The following RAB37 variants were observed in gnomAD, a reference collection of about 807,000 sequenced individuals.
RAB37 encodes ras-related protein Rab-37.
A neutral mutation model predicts 33.1 loss-of-function variants in RAB37; 29 were observed. The ratio of observed to expected loss-of-function variants is 0.88; its 90% CI spans 0.65 to 1.20. RAB37 has a LOEUF of 1.20. Among genes scored for constraint, RAB37 ranks in the 50% most tolerant of loss-of-function variants. RAB37 has a pLI of 0.00. For synonymous variants in RAB37, 128 were observed against 119.5 expected, an observed-to-expected ratio of 1.07 and a Z score of -0.47; for missense variants, 299 against 301.1, an observed-to-expected ratio of 0.99 and a Z score of 0.05.
chr17:74,673,256 C>T (rs773842417), intron 1 of RAB37, among the ~76,000 whole-genome samples: 4 of 151,148 alleles, frequency 2.6e-5, no homozygotes, highest in Admixed American at 1.3e-4. Context: ...TACAAAAATT[C>T]GCTGGGCATG....
At chr17:74,735,015 A>G (rs2034448959), upstream of RAB37, among the ~76,000 whole-genome samples, 1 of 105,506 alleles carries the variant, frequency 9.5e-6, no homozygotes, top group East Asian at 2.7e-4. Context: ...GAAAGGAAGG[A>G]AGGAAGAAAG....
At chr17:74,703,303 G>T (rs1435562083) in intron 1 of RAB37, among the ~76,000 whole-genome samples, 1 of 152,154 alleles carries the variant, frequency 6.6e-6, no homozygotes, top group Non-Finnish European at 1.5e-5. Context: ...GTCTCTAGGA[G>T]ACTCCAGAGC....
At chr17:74,683,321 G>C (rs907669942) in intron 1 of RAB37, among the ~76,000 whole-genome samples, 4 of 152,288 alleles carry the variant, frequency 2.6e-5, no homozygotes, top group Middle Eastern at 6.8e-3. Context: ...AGGGAATGAG[G>C]ATTCAGGAAG....
At chr17:74,701,861 A>T (rs1192998651) in intron 1 of RAB37, among the ~76,000 whole-genome samples, 1 of 151,562 alleles carries the variant, frequency 6.6e-6, no homozygotes, top group Non-Finnish European at 1.5e-5. Flanking sequence ...AAAAAAAAAA[A>T]AAAAACAATT....
At position 74,743,114 on chromosome 17, in the gene RAB37, C is replaced by T. The variant is rs1454752218; in HGVS notation, c.247-15C>T. ...TGCCTCCTTCTGACCATTTCTCCAT[C>T]CCATCCCTTCCCAGATCTGGGACAC... On this transcript the variant is annotated splice_polypyrimidine_tract_variant and intron_variant, in intron 3 of 8. Transcript: ENST00000392613. The T allele has an allele frequency of 6.2e-7, 1 of 1,610,924 alleles. No homozygotes were observed. The highest frequency in any genetic ancestry group is 1.1e-5 in the South Asian group (1 of 90,860).
chr17:74,702,893 G>C (rs918927291), intron 1 of RAB37: 23 of 665,916 alleles, frequency 3.5e-5, no homozygotes, highest in Non-Finnish European at 5.3e-5. Context: ...ACAGCAAGTG[G>C]GAAGGGCTCC....
In RAB37 at chr17:74,745,247, G is replaced by A; in HGVS notation, c.567-59G>A. On this transcript the variant is annotated intron_variant, in intron 8 of 8. Coordinates refer to ENST00000392613, the MANE Select transcript of RAB37 (RefSeq NM_001006638.3). The surrounding 1 kb of genome is among the most constrained non-coding windows in gnomAD (Gnocchi z 4.5). ...GGCCACTGGGAGAGGGGAGGGGGCG[G>A]CTCAGCTCCTCACCCCAGCCCAGCC... is the stretch of plus-strand genomic sequence containing the variant. 6.4e-7 allele frequency: 1 copy of A among 1,564,282 alleles called. No individual in the cohort carries two copies. The highest frequency in any genetic ancestry group is 8.8e-7 in the Non-Finnish European group (1 of 1,135,796).
intron 1 of RAB37, among the ~76,000 whole-genome samples, chr17:74,720,277 G>T (rs570825902): frequency 1.3e-5 from 2 of 152,254 alleles, no homozygotes; most frequent in South Asian, 4.2e-4. Flanking sequence ...AGCATGAAGG[G>T]GTGTGTTACA....
chr17:74,718,554 A>G (rs1301325904), intron 1 of RAB37, among the ~76,000 whole-genome samples: 3 of 152,010 alleles, frequency 2.0e-5, no homozygotes, highest in Non-Finnish European at 2.9e-5. Flanking sequence ...GCACCTATTA[A>G]TTGGCTAGAT....
At position 74,697,430 on chromosome 17, in the gene RAB37, G is replaced by A. The variant is rs75842879; in HGVS notation, c.72+25772G>A. ...ACAGAAAGCACTTAGACCTTAGGCC[G>A]TGGGCAATACATTTGGGAGAAAAAG... On this transcript the variant is annotated intron_variant, in intron 1 of 7. Coordinates refer to the RAB37 transcript ENST00000340415. Among the ~76,000 whole-genome samples, 1,264 of 152,284 alleles carry A rather than the reference G, an allele frequency of 8.3e-3. 5 individuals are homozygous for A. The highest frequency in any genetic ancestry group is 0.024 in the Middle Eastern group (7 of 294).
intron 1 of RAB37, among the ~76,000 whole-genome samples, chr17:74,693,706 A>G (rs1054405289): frequency 6.6e-6 from 1 of 152,168 alleles, no homozygotes; most frequent in Non-Finnish European, 1.5e-5. Context: ...AGATAGGCAG[A>G]TCACTTGAGG....
intron 1 of RAB37, among the ~76,000 whole-genome samples, chr17:74,728,316 T>A (rs2034332163): frequency 6.6e-6 from 1 of 152,114 alleles, no homozygotes; most frequent in Admixed American, 6.5e-5. Flanking sequence ...TGTGTGTTTG[T>A]GTGTACATGT....
intron 1 of RAB37, among the ~76,000 whole-genome samples, chr17:74,698,126 T>A (rs1262463571): frequency 1.3e-5 from 2 of 152,028 alleles, no homozygotes; most frequent in African/African-American, 4.8e-5. Flanking sequence ...GGGAGGTGGA[T>A]CAGAGAGAAG....
At chr17:74,685,356 T>G (rs1423409448) in intron 1 of RAB37, among the ~76,000 whole-genome samples, 2 of 152,022 alleles carry the variant, frequency 1.3e-5, no homozygotes, top group Non-Finnish European at 2.9e-5. Flanking sequence ...AGCTAATTTT[T>G]TGTGTGTTTT....
chr17:74,705,360 G>A (rs2033423271), intron 1 of RAB37: 1 of 656,682 alleles, frequency 1.5e-6, no homozygotes. Context: ...AACAGCAACG[G>A]CAACTGGTCT....
At chr17:74,716,589 C>T (rs767451231) in intron 1 of RAB37, among the ~76,000 whole-genome samples, 3 of 152,084 alleles carry the variant, frequency 2.0e-5, no homozygotes, top group South Asian at 2.1e-4. Flanking sequence ...GAAATTGAGA[C>T]GCAGAGAGCA....
chr17:74,742,362 A>T lies in RAB37; in HGVS notation c.246+67A>T. The T allele has an allele frequency of 7.5e-7, 1 of 1,325,464 alleles. No individual in the cohort carries two copies. Among genetic ancestry groups the T allele is most frequent in the Non-Finnish European group, 1.1e-6 (1 of 936,016 alleles). The allele number at this position is 1,325,464 out of a possible 1,614,324, so 82.1% of individuals were successfully genotyped here. On this transcript the variant is annotated intron_variant, in intron 3 of 8. Transcript: ENST00000392613. This position sits in a 1 kb window ranked among gnomAD's most constrained non-coding sequence, Gnocchi z 4.0. ...CTGCCCTTCCTTCTCACCCTGAACC[A>T]CAGGAGGCCTGCAGCCCTGCCCTCC...
At chr17:74,695,374 CT>C in intron 1 of RAB37, 1 of 1,177,544 alleles carries the variant, frequency 8.5e-7, no homozygotes, top group Non-Finnish European at 1.2e-6. Context: ...CACTCAAGCC[CT>C]CCAGCTTCCC....
intron 1 of RAB37, among the ~76,000 whole-genome samples, chr17:74,714,476 G>A (rs2034133136): frequency 6.6e-6 from 1 of 151,328 alleles, no homozygotes; most frequent in African/African-American, 2.4e-5. Flanking sequence ...ATGCAAGCAG[G>A]GAACTACTGG....
Sources: gnomAD v4.1 joint callset for allele counts (sites outside exome capture counted in the v4.1 genomes callset) on GRCh38, gnomAD v4.1.1 for gene constraint, Gnocchi (gnomAD v3.1) non-coding constraint, MANE v1.5 for transcripts, NCBI Gene and HGNC (gene_info 2026-07-23, HGNC 2026-07-21) for gene names.